Variants in FXR2 observed in about 807,000 individuals in gnomAD.
The protein encoded by FXR2 is RNA-binding protein FXR2.
In FXR2, 9 loss-of-function variants were observed where a neutral mutation model predicts 87.3. The observed-to-expected ratio is 0.10, with a 90% CI of 0.06 to 0.18. FXR2 has a LOEUF of 0.18. FXR2 is among the 10% of genes least tolerant of loss of function. The probability of loss-of-function intolerance (pLI) is 1.00; values close to 1 mark genes in which losing one functional copy is unlikely to be tolerated. For missense variants in FXR2, 661 were observed against 893.6 expected (o/e 0.74, Z 3.32); for synonymous variants, 331 against 328.3 (o/e 1.01, Z -0.09).
chr17:7,614,399 C>T, intron 1 of FXR2, 53 bp downstream of exon 1: 1 of 1,323,988 alleles, frequency 7.6e-7, no homozygotes, highest in Non-Finnish European at 1.0e-6. Flanking sequence ...GTTCCTGCTC[C>T]GGCCAGGGGA....
intron 7 of FXR2, among the ~76,000 whole-genome samples, chr17:7,600,437 G>C (rs935401634): frequency 6.6e-6 from 1 of 150,950 alleles, no homozygotes; most frequent in East Asian, 2.0e-4. Context: ...TGCCTGCCTC[G>C]GCCTCCCAAA....
chr17:7,609,491 T>C (rs932631045), intron 1 of FXR2, among the ~76,000 whole-genome samples: 1 of 152,208 alleles, frequency 6.6e-6, no homozygotes, highest in African/African-American at 2.4e-5. Flanking sequence ...GCCTCTTTTT[T>C]ACCCATGCTT....
chr17:7,592,479 A>T lies in FXR2; in HGVS notation c.1825+25T>A. 2.5e-6 allele frequency: 4 copies of T among 1,604,026 alleles called. No homozygotes were observed. The highest frequency in any genetic ancestry group is 3.4e-6 in the Non-Finnish European group (4 of 1,170,826). On this transcript the variant is annotated intron_variant, in intron 15 of 16. Coordinates refer to ENST00000250113, the MANE Select transcript of FXR2 (RefSeq NM_004860.4). The surrounding 1 kb of genome is among the most constrained non-coding windows in gnomAD (Gnocchi z 4.8). Reference sequence around the variant, plus strand: ...CCCATTCTCTCAGCTCTGAGGAAGGATTCTGGTGTCCAGAGTTGGCTGACC... The same window carrying T: ...CCCATTCTCTCAGCTCTGAGGAAGGTTTCTGGTGTCCAGAGTTGGCTGACC...
At position 7,592,901 on chromosome 17, in the gene FXR2, A is replaced by G; in HGVS notation, c.1529-7T>C. On this transcript the variant is annotated splice_region_variant and splice_polypyrimidine_tract_variant and intron_variant, in intron 13 of 16. Coordinates refer to ENST00000250113, the MANE Select transcript of FXR2 (RefSeq NM_004860.4). The surrounding 1 kb of genome is among the most constrained non-coding windows in gnomAD (Gnocchi z 4.8). ...CTGTCTGGATCCTTCAGCACTGGTC[A>G]GAGGAAGAAGAGGAGGAGTTGGCAG... 6.4e-7 allele frequency: 1 copy of G among 1,558,642 alleles called. No individual in the cohort carries two copies. Among genetic ancestry groups the G allele is most frequent in the South Asian group, 1.2e-5 (1 of 82,678 alleles).
At chr17:7,603,451 T>C (rs529620289) in intron 5 of FXR2, among the ~76,000 whole-genome samples, 94 of 146,712 alleles carry the variant, frequency 6.4e-4, no homozygotes, top group African/African-American at 2.2e-3. Flanking sequence ...CGCCTGAACC[T>C]AGGAGGTGGA....
intron 5 of FXR2, among the ~76,000 whole-genome samples, chr17:7,603,520 T>C (rs1597877247): frequency 3.3e-5 from 4 of 121,506 alleles, no homozygotes; most frequent in Admixed American, 2.7e-4. Context: ...AGAGCAAAAC[T>C]CTGTCTCCAA....
chr17:7,598,144 G>C (rs1448799470), intron 7 of FXR2, among the ~76,000 whole-genome samples: 1 of 152,142 alleles, frequency 6.6e-6, no homozygotes, highest in Admixed American at 6.6e-5. Flanking sequence ...CATTGAAACA[G>C]GAGTTTAAAA....
At chr17:7,610,038 G>GTATACATGTATATGTATACA (rs2071848619) in intron 1 of FXR2, among the ~76,000 whole-genome samples, 1 of 72,218 alleles carries the variant, frequency 1.4e-5, no homozygotes, top group East Asian at 4.4e-4. Context: ...ATACATGTAT[G>GTATACATGTATATGTATACA]TATATATATA....
At chr17:7,601,891 C>T (rs2150944106) in intron 6 of FXR2, among the ~76,000 whole-genome samples, 1 of 152,020 alleles carries the variant, frequency 6.6e-6, no homozygotes, top group South Asian at 2.1e-4. Context: ...TGCGCCACTG[C>T]ACTCTAGCCT....
chr17:7,601,389 G>A lies in FXR2; in HGVS notation c.660+20C>T, dbSNP rs1567750731. The A allele has an allele frequency of 5.4e-6, 7 of 1,297,172 alleles. No homozygotes were observed. The highest frequency in any genetic ancestry group is 4.4e-5 in the African/African-American group (3 of 68,656). The allele number at this position is 1,297,172 out of a possible 1,614,324, so 80.4% of individuals were successfully genotyped here. ...GGAAGACAATACCCTTCAGCAGAAGGAAAAGGAGCTAAAAGTTACCTCTAG... is the reference window on the plus strand; with the variant it reads ...GGAAGACAATACCCTTCAGCAGAAGAAAAAGGAGCTAAAAGTTACCTCTAG... On this transcript the variant is annotated intron_variant, in intron 7 of 16. Coordinates refer to ENST00000250113, the MANE Select transcript of FXR2 (RefSeq NM_004860.4).
Position 7,594,416 on chromosome 17 carries a change from C to G in FXR2, c.911-69G>C. On this transcript the variant is annotated intron_variant, in intron 9 of 16. Transcript: ENST00000250113. This position sits in a 1 kb window ranked among gnomAD's most constrained non-coding sequence, Gnocchi z 5.1. Reference sequence around the variant, plus strand: ...GGAAATAAGAATAAAGCTGATACACCGTCTTCCAGCCTCATTTTCTTTATA... The same window carrying G: ...GGAAATAAGAATAAAGCTGATACACGGTCTTCCAGCCTCATTTTCTTTATA... The G allele has an allele frequency of 1.1e-6, 1 of 921,886 alleles. No homozygotes were observed. The highest frequency in any genetic ancestry group is 1.7e-6 in the Non-Finnish European group (1 of 577,216). 57.1% of individuals were successfully genotyped at this position (921,886 alleles called of 1,614,324 possible).
chr17:7,593,382 C>T lies in FXR2; in HGVS notation c.1330+21G>A, dbSNP rs1487222946. ...CACAAGCCCTGCCACTCCTTGCCTC[C>T]TGTTCCCATAACTGTCTCACCATAG... On this transcript the variant is annotated intron_variant, in intron 12 of 16. Coordinates refer to ENST00000250113, the MANE Select transcript of FXR2 (RefSeq NM_004860.4). This position sits in a 1 kb window ranked among gnomAD's most constrained non-coding sequence, Gnocchi z 6.1. 3.9e-6 allele frequency: 6 copies of T among 1,532,302 alleles called. No homozygotes were observed. The highest frequency in any genetic ancestry group is 4.4e-6 in the Non-Finnish European group (5 of 1,128,880). The allele number at this position is 1,532,302 out of a possible 1,614,324, so 94.9% of individuals were successfully genotyped here.
intron 1 of FXR2, chr17:7,614,164 G>GA: frequency 1.6e-6 from 1 of 640,204 alleles, no homozygotes. Context: ...GGGTAAAGGG[G>GA]TCTCTCCTGC....
At position 7,595,769 on chromosome 17, in the gene FXR2, G is replaced by T; in HGVS notation, c.831+55C>A. ...AGTTTGAGGCTTATTTTCTACTTCG[G>T]CCTCTCTTCCCTCTATCCCCTAAGA... On this transcript the variant is annotated intron_variant, in intron 8 of 16. Coordinates refer to ENST00000250113, the MANE Select transcript of FXR2 (RefSeq NM_004860.4). This position sits in a 1 kb window ranked among gnomAD's most constrained non-coding sequence, Gnocchi z 4.7. 1 of 1,448,064 alleles carries T rather than the reference G, an allele frequency of 6.9e-7. No homozygotes were observed. The highest frequency in any genetic ancestry group is 9.6e-7 in the Non-Finnish European group (1 of 1,040,378). The allele number at this position is 1,448,064 out of a possible 1,614,324, so 89.7% of individuals were successfully genotyped here. A position where few individuals can be genotyped will look rare whatever the true frequency, so the allele number is the denominator to read the frequency against.
chr17:7,610,077 T>C (rs547416337), intron 1 of FXR2, among the ~76,000 whole-genome samples: 26 of 150,186 alleles, frequency 1.7e-4, no homozygotes, highest in East Asian at 1.4e-3. Flanking sequence ...TATATATAAA[T>C]TAGCCAGGCG....
chr17:7,613,989 G>A (rs773899662), intron 1 of FXR2: 5 of 454,682 alleles, frequency 1.1e-5, no homozygotes, highest in Non-Finnish European at 2.2e-5. Context: ...AGTAGGCAGA[G>A]GCCTCTCTGA....
chr17:7,594,041 G>T lies in FXR2; in HGVS notation c.1021-37C>A. On this transcript the variant is annotated intron_variant, in intron 10 of 16. Transcript: ENST00000250113. This position sits in a 1 kb window ranked among gnomAD's most constrained non-coding sequence, Gnocchi z 5.1. ...AGAGCAGAAACGATGGATCAGAAAG[G>T]AAAATGAAATGGAAGGATTAACGCC... is the stretch of plus-strand genomic sequence containing the variant. The T allele has an allele frequency of 7.3e-7, 1 of 1,370,600 alleles. No individual in the cohort carries two copies. The highest frequency in any genetic ancestry group is 1.0e-6 in the Non-Finnish European group (1 of 957,406). The allele number at this position is 1,370,600 out of a possible 1,614,324, so 84.9% of individuals were successfully genotyped here.
At chr17:7,601,623 A>G (rs1258883400) in intron 6 of FXR2, 98 bp from the exon 7 acceptor site, 2 of 767,332 alleles carry the variant, frequency 2.6e-6, no homozygotes, top group East Asian at 2.5e-5. Flanking sequence ...GTCCCGGGAA[A>G]AGGGTTAAGA....
chr17:7,598,023 A>G (rs2150942325), intron 7 of FXR2, among the ~76,000 whole-genome samples: 1 of 151,544 alleles, frequency 6.6e-6, no homozygotes, highest in Non-Finnish European at 1.5e-5. Context: ...CGTAAAATTT[A>G]TCCTACATAA....
Sources: gnomAD v4.1 joint callset for allele counts (sites outside exome capture counted in the v4.1 genomes callset) on GRCh38, gnomAD v4.1.1 for gene constraint, Gnocchi (gnomAD v3.1) non-coding constraint, MANE v1.5 for transcripts, NCBI Gene and HGNC (gene_info 2026-07-23, HGNC 2026-07-21) for gene names.